TMEM132C: variants seen among roughly 807,000 people sequenced by gnomAD.
The protein encoded by TMEM132C is protein phosphatase 1, regulatory subunit 152.
Under a neutral mutation model 61.4 loss-of-function variants are expected in TMEM132C, and 29 were observed. The observed-to-expected ratio is 0.47, with a 90% CI of 0.35 to 0.64. TMEM132C has a LOEUF of 0.64. Among genes scored for constraint, TMEM132C ranks in the 30% least tolerant of loss-of-function variants. The pLI is 0.00. For missense variants in TMEM132C, 1,408 were observed against 1,476.9 expected (o/e 0.95, Z 0.76); for synonymous variants, 656 against 633.1 (o/e 1.04, Z -0.54).
chr12:128,523,717 G>A (rs929232800), intron 2 of TMEM132C, among the ~76,000 whole-genome samples: 2 of 150,932 alleles, frequency 1.3e-5, no homozygotes, highest in Non-Finnish European at 2.9e-5. Context: ...ACCTCTGATT[G>A]AGCCTGGCAT....
intron 8 of TMEM132C, among the ~76,000 whole-genome samples, chr12:128,701,854 G>A (rs370800941): frequency 2.6e-5 from 4 of 151,226 alleles, no homozygotes; most frequent in African/African-American, 9.7e-5. Flanking sequence ...AATTCTACGT[G>A]GCTCTTTGCA....
chr12:128,554,844 T>A (rs1018515570), intron 3 of TMEM132C, among the ~76,000 whole-genome samples: 1 of 152,152 alleles, frequency 6.6e-6, no homozygotes, highest in South Asian at 2.1e-4. Context: ...TCAGCCCTAA[T>A]TGGGATCCTG....
chr12:128,283,548 CTCTG>C (rs1870965278), intron 1 of TMEM132C, among the ~76,000 whole-genome samples: 1 of 152,092 alleles, frequency 6.6e-6, no homozygotes, highest in Admixed American at 6.6e-5. Context: ...CTCTCTCTCC[CTCTG>C]TCTGTCTCTC....
intron 4 of TMEM132C, among the ~76,000 whole-genome samples, chr12:128,625,531 G>C (rs1484668830): frequency 6.6e-6 from 1 of 152,204 alleles, no homozygotes; most frequent in African/African-American, 2.4e-5. Context: ...TGGAAGGCAA[G>C]GAGGAGCAAG....
At chr12:128,507,871 G>A (rs144152559) in intron 2 of TMEM132C, among the ~76,000 whole-genome samples, 1 of 152,296 alleles carries the variant, frequency 6.6e-6, no homozygotes, top group Non-Finnish European at 1.5e-5. Flanking sequence ...GGACCATTTT[G>A]TAAAGTGGGA....
chr12:128,678,339 C>T (rs1954610016), intron 5 of TMEM132C, among the ~76,000 whole-genome samples: 1 of 152,202 alleles, frequency 6.6e-6, no homozygotes, highest in African/African-American at 2.4e-5. Context: ...CCTTTGTGGA[C>T]TTGGGGTCCC....
At chr12:128,372,756 G>T (rs1360723181) in intron 1 of TMEM132C, among the ~76,000 whole-genome samples, 1 of 151,960 alleles carries the variant, frequency 6.6e-6, no homozygotes, top group African/African-American at 2.4e-5. Flanking sequence ...CTGAACCTGA[G>T]GACTTGTATA....
Position 128,541,780 on chromosome 12 carries a change from C to A in TMEM132C, c.975-2177C>A, listed in dbSNP as rs116507448. 1.3e-5 allele frequency among the ~76,000 whole-genome samples: 2 copies of A among 152,248 alleles called. 1 individual carries two copies. Among genetic ancestry groups the A allele is most frequent in the African/African-American group, 4.8e-5 (2 of 41,552 alleles). ...GCATCTGGCTGGCTGTTTGGAGAGGCCATAGTGTCAATGCCTGTTGCATTT... is the reference window on the plus strand; with the variant it reads ...GCATCTGGCTGGCTGTTTGGAGAGGACATAGTGTCAATGCCTGTTGCATTT... On this transcript the variant is annotated intron_variant, in intron 2 of 8. Coordinates refer to ENST00000435159, the MANE Select transcript of TMEM132C (RefSeq NM_001136103.3).
At chr12:128,525,738 C>T (rs912583433) in intron 2 of TMEM132C, among the ~76,000 whole-genome samples, 1 of 152,236 alleles carries the variant, frequency 6.6e-6, no homozygotes, top group Non-Finnish European at 1.5e-5. Context: ...CACATATGAG[C>T]TGAGCTGTTA....
chr12:128,661,605 A>G (rs1954391362), intron 4 of TMEM132C, among the ~76,000 whole-genome samples: 1 of 152,120 alleles, frequency 6.6e-6, no homozygotes, highest in Admixed American at 6.5e-5. Context: ...GGAGGGATTC[A>G]GTTATTTGCA....
At chr12:128,403,699 C>G (rs1210436000) in intron 1 of TMEM132C, among the ~76,000 whole-genome samples, 1 of 122,006 alleles carries the variant, frequency 8.2e-6, no homozygotes, top group Non-Finnish European at 1.8e-5. Flanking sequence ...AAGGTATTTT[C>G]CAAAAGACAA....
chr12:128,353,755 C>G (rs1873413219), intron 1 of TMEM132C, among the ~76,000 whole-genome samples: 1 of 152,106 alleles, frequency 6.6e-6, no homozygotes, highest in African/African-American at 2.4e-5. Context: ...TCCCGGGTCC[C>G]ACTTTCCTCC....
At chr12:128,364,284 CCTAT>C (rs1175472478) in intron 1 of TMEM132C, among the ~76,000 whole-genome samples, 3 of 149,536 alleles carry the variant, frequency 2.0e-5, no homozygotes, top group African/African-American at 7.4e-5. Flanking sequence ...CCTCTCTCCC[CCTAT>C]CTTTCTCTCT....
intron 1 of TMEM132C, among the ~76,000 whole-genome samples, chr12:128,388,640 TGA>T (rs1339535783): frequency 6.6e-6 from 1 of 152,146 alleles, no homozygotes; most frequent in Non-Finnish European, 1.5e-5. Flanking sequence ...GTGTTCCGGG[TGA>T]GAGAGGGCCC....
intron 3 of TMEM132C, among the ~76,000 whole-genome samples, chr12:128,558,999 T>C (rs1874419751): frequency 6.6e-6 from 1 of 152,192 alleles, no homozygotes; most frequent in East Asian, 1.9e-4. Context: ...TATACAAATA[T>C]CTACTTCTGC....
intron 2 of TMEM132C, among the ~76,000 whole-genome samples, chr12:128,537,624 C>T (rs10847642): frequency 0.56 from 84,341 of 151,644 alleles, 24,392 homozygotes; most frequent in Middle Eastern, 0.64. Context: ...AGAGAACAGA[C>T]CAGTTACAGG....
intron 2 of TMEM132C, among the ~76,000 whole-genome samples, chr12:128,522,849 C>T (rs909227727): frequency 2.0e-5 from 3 of 152,224 alleles, no homozygotes; most frequent in South Asian, 2.1e-4. Context: ...AACCCTAACC[C>T]AGACTGTTAA....
intron 2 of TMEM132C, among the ~76,000 whole-genome samples, chr12:128,489,468 T>C (rs569416793): frequency 6.6e-6 from 1 of 150,926 alleles, no homozygotes; most frequent in East Asian, 2.0e-4. Context: ...GAGATGGAGG[T>C]TGAACTGAGA....
At chr12:128,357,543 A>G (rs1009034310) in intron 1 of TMEM132C, among the ~76,000 whole-genome samples, 2 of 151,900 alleles carry the variant, frequency 1.3e-5, no homozygotes, top group Non-Finnish European at 2.9e-5. Flanking sequence ...AAAAATACAA[A>G]AATTAGCCAG....
Sources: gnomAD v4.1 joint callset for allele counts (sites outside exome capture counted in the v4.1 genomes callset) on GRCh38, gnomAD v4.1.1 for gene constraint, MANE v1.5 for transcripts, NCBI Gene and HGNC (gene_info 2026-07-23, HGNC 2026-07-21) for gene names.